The following HYDIN variants were observed in gnomAD, a reference collection of about 807,000 sequenced individuals.
HYDIN encodes the protein axonemal central pair apparatus protein HYDIN.
In HYDIN, 132 loss-of-function variants were observed where a neutral mutation model predicts 403.9. The observed-to-expected ratio is 0.33, with a 90% confidence interval of 0.28 to 0.38. HYDIN has a LOEUF of 0.38. Ranked by LOEUF, HYDIN falls within the 10% of genes least tolerant of loss-of-function variation. HYDIN has a pLI of 1.00. For synonymous variants in HYDIN, 1,202 were observed against 1,891.7 expected (o/e 0.64, Z 9.46); for missense variants, 2,827 against 5,009.5 (o/e 0.56, Z 13.15).
In HYDIN at chr16:71,199,955, G is replaced by A. The variant is rs561215269; in HGVS notation, c.-23-13037C>T. On this transcript the variant is annotated intron_variant, in intron 1 of 85. Transcript: ENST00000393567. ...TAAGGCAGTCTAAGTCACAGGATGAGACAGGAGGTCAGCACAAGATACAGG... is the reference window on the plus strand; with the variant it reads ...TAAGGCAGTCTAAGTCACAGGATGAAACAGGAGGTCAGCACAAGATACAGG... 6.7e-4 allele frequency among the ~76,000 whole-genome samples: 102 copies of A among 152,248 alleles called. 2 individuals carry two copies. The highest frequency in any genetic ancestry group is 6.6e-3 in the Admixed American group (101 of 15,298).
intron 23 of HYDIN, among the ~76,000 whole-genome samples, chr16:71,004,933 G>C (rs1161570746): frequency 2.6e-5 from 4 of 152,016 alleles, no homozygotes; most frequent in Non-Finnish European, 5.9e-5. Context: ...ATAAAAGTCA[G>C]TTTTGGCAAG....
At chr16:71,130,474 T>G (rs1396937329) in intron 8 of HYDIN, among the ~76,000 whole-genome samples, 1 of 127,818 alleles carries the variant, frequency 7.8e-6, no homozygotes, top group African/African-American at 3.0e-5. Context: ...ATACCGGTTT[T>G]TTTTTTTTTT....
intron 83 of HYDIN, among the ~76,000 whole-genome samples, chr16:70,824,070 T>TA (rs2036430891): frequency 2.0e-5 from 3 of 152,026 alleles, no homozygotes; most frequent in Admixed American, 6.5e-5. Context: ...GTTTTTTTTT[T>TA]ATAGTGGGAG....
At chr16:71,010,227 T>C (rs1179643239) in intron 23 of HYDIN, among the ~76,000 whole-genome samples, 1 of 151,692 alleles carries the variant, frequency 6.6e-6, no homozygotes, top group African/African-American at 2.4e-5. Flanking sequence ...CAGGGCTAAA[T>C]GCTTACTTTT....
At chr16:71,112,529 G>A (rs1169183686) in intron 10 of HYDIN, among the ~76,000 whole-genome samples, 1 of 152,068 alleles carries the variant, frequency 6.6e-6, no homozygotes, top group African/African-American at 2.4e-5. Flanking sequence ...GTACAAAAGA[G>A]TCAGTTAAGA....
intron 44 of HYDIN, among the ~76,000 whole-genome samples, chr16:70,936,889 G>C (rs983266399): frequency 4.6e-5 from 7 of 151,564 alleles, no homozygotes; most frequent in African/African-American, 7.2e-5. Context: ...ATGGTGCTCA[G>C]TCCGAAAGCC....
rs766837585 is a variant in HYDIN at position 71,069,511 on chromosome 16, C to G, written c.1739-9G>C. 8 of 1,610,902 alleles carry G rather than the reference C, an allele frequency of 5.0e-6. No individual in the cohort carries two copies. In the African/African-American group the frequency reaches 9.4e-5, roughly 19 times the overall value. On this transcript the variant is annotated splice_polypyrimidine_tract_variant and intron_variant, in intron 13 of 85. Coordinates refer to ENST00000393567, the MANE Select transcript of HYDIN (RefSeq NM_001270974.2). ...CAAGGTATGAGGAAACCCTGGAAAA[C>G]AAAATATGATGTGAGAAATAAAAGC...
chr16:71,162,246 A>G (rs1190150423), intron 6 of HYDIN, among the ~76,000 whole-genome samples: 3 of 150,536 alleles, frequency 2.0e-5, no homozygotes, highest in Non-Finnish European at 4.4e-5. Context: ...ATTTATTTCT[A>G]TATTCTCATG....
rs576364069 is a variant in HYDIN at position 70,841,477 on chromosome 16, G to C, written c.12874-1244C>G. Among the ~76,000 whole-genome samples the C allele has an allele frequency of 1.1e-3, 174 of 151,996 alleles. 1 individual carries two copies. The highest frequency in any genetic ancestry group is 4.0e-3 in the African/African-American group (166 of 41,434). ...GGCCAAGAAAACAGTGGAGCTTCCC[G>C]AACTCTCAATGACCAGTGATGCACC... On this transcript the variant is annotated intron_variant, in intron 75 of 85. Transcript: ENST00000393567.
chr16:71,230,436 G>A (rs975133481), intron 1 of HYDIN, 126 bp downstream of exon 1: 11 of 1,126,892 alleles, frequency 9.8e-6, no homozygotes, highest in Middle Eastern at 2.1e-4. Context: ...GAGGAGGGGA[G>A]GGGTCTGGAA....
intron 45 of HYDIN, among the ~76,000 whole-genome samples, chr16:70,924,880 G>A (rs1438767598): frequency 1.6e-5 from 2 of 125,400 alleles, no homozygotes; most frequent in Non-Finnish European, 3.3e-5. Context: ...GTGATGGGAT[G>A]ATCTGTGCAG....
At chr16:71,023,034 T>C (rs1187258659) in intron 21 of HYDIN, among the ~76,000 whole-genome samples, 2 of 152,116 alleles carry the variant, frequency 1.3e-5, no homozygotes, top group East Asian at 3.8e-4. Flanking sequence ...CCAGAATAGC[T>C]ATTCAATAAA....
At chr16:70,957,231 T>C (rs1025485492) in intron 39 of HYDIN, among the ~76,000 whole-genome samples, 8 of 151,370 alleles carry the variant, frequency 5.3e-5, no homozygotes, top group African/African-American at 1.9e-4. Flanking sequence ...CTAAGCGGAG[T>C]CATACAGTGT....
At chr16:70,926,054 G>A (rs1251998623) in intron 45 of HYDIN, among the ~76,000 whole-genome samples, 5,949 of 150,652 alleles carry the variant, frequency 0.039, 395 homozygotes, top group African/African-American at 0.14. Context: ...TCGGTGTGGC[G>A]ATTCCTCAGG....
At chr16:71,030,786 G>T (rs2080878118) in intron 19 of HYDIN, among the ~76,000 whole-genome samples, 1 of 152,214 alleles carries the variant, frequency 6.6e-6, no homozygotes, top group Non-Finnish European at 1.5e-5. Context: ...TGTCTATACT[G>T]TACCACAGCT....
Position 70,807,322 on chromosome 16 carries a change from A to C in HYDIN, c.*258T>G. On this transcript the variant is annotated 3_prime_UTR_variant, in exon 86 of 86. Coordinates refer to ENST00000393567, the MANE Select transcript of HYDIN (RefSeq NM_001270974.2). ...TACAAAGTACTTGAGCTTTGGGGCT[A>C]TGTCAAGAAACTCAATTTAGGGACT... 1 of 429,408 alleles carries C rather than the reference A, an allele frequency of 2.3e-6. No homozygotes were observed. The highest frequency in any genetic ancestry group is 4.1e-6 in the Non-Finnish European group (1 of 244,304). The allele number at this position is 429,408 out of a possible 1,614,324, so 26.6% of individuals were successfully genotyped here.
At chr16:70,819,840 C>T (rs2143462363) in intron 83 of HYDIN, among the ~76,000 whole-genome samples, 1 of 152,110 alleles carries the variant, frequency 6.6e-6, no homozygotes, top group African/African-American at 2.4e-5. Flanking sequence ...TGGAGTCTTG[C>T]TCTGTCACCC....
chr16:70,981,373 T>G lies in HYDIN; in HGVS notation c.4510+18A>C. 1 of 1,608,372 alleles carries G rather than the reference T, an allele frequency of 6.2e-7. No homozygotes were observed. Among genetic ancestry groups the G allele is most frequent in the Non-Finnish European group, 8.5e-7 (1 of 1,177,382 alleles). ...TGTTTTGTCCCCAGTGGGGAACTAC[T>G]CCAGTGTGAAGTACTACCTGTGAGG... On this transcript the variant is annotated intron_variant, in intron 29 of 85. Coordinates refer to ENST00000393567, the MANE Select transcript of HYDIN (RefSeq NM_001270974.2).
intron 1 of HYDIN, among the ~76,000 whole-genome samples, chr16:71,202,674 C>T (rs1190626024): frequency 6.6e-6 from 1 of 152,156 alleles, no homozygotes; most frequent in Non-Finnish European, 1.5e-5. Flanking sequence ...AATGTCTTCT[C>T]ATATGCATAT....
Sources: gnomAD v4.1 joint callset for allele counts (sites outside exome capture counted in the v4.1 genomes callset) on GRCh38, gnomAD v4.1.1 for gene constraint, MANE v1.5 for transcripts, NCBI Gene and HGNC (gene_info 2026-07-23, HGNC 2026-07-21) for gene names.